The following CTNNA3 variants were observed in gnomAD, a reference collection of about 807,000 sequenced individuals.
CTNNA3 encodes catenin alpha 3, also known as catenin alpha-3.
A neutral mutation model predicts 95.7 loss-of-function variants in CTNNA3; 76 were observed. The observed-to-expected ratio is 0.79, with a 90% CI of 0.66 to 0.96. The LOEUF (loss-of-function observed/expected upper bound fraction) is 0.96. Ranked by LOEUF, CTNNA3 falls within the 40% of genes least tolerant of loss-of-function variation. CTNNA3 has a pLI of 0.00. For synonymous variants in CTNNA3, 431 were observed against 374.4 expected (o/e 1.15, Z -1.74); for missense variants, 1,191 against 1,089.8 (o/e 1.09, Z -1.31).
chr10:66,399,758 T>C (rs1224545074), intron 11 of CTNNA3, among the ~76,000 whole-genome samples: 1 of 152,040 alleles, frequency 6.6e-6, no homozygotes, highest in African/African-American at 2.4e-5. Context: ...CCAGTGATAC[T>C]GCTTTCTCTA....
upstream of CTNNA3, among the ~76,000 whole-genome samples, chr10:67,699,077 T>C (rs76105174): frequency 0.091 from 13,807 of 152,188 alleles, 732 homozygotes; most frequent in African/African-American, 0.15. Context: ...CTCTCTTGTG[T>C]GCTGGATCCC....
intron 3 of CTNNA3, among the ~76,000 whole-genome samples, chr10:67,584,974 C>T (rs1382877236): frequency 2.6e-5 from 4 of 152,214 alleles, no homozygotes; most frequent in Non-Finnish European, 5.9e-5. Flanking sequence ...TCACGGCTTT[C>T]CTTGGCTAAG....
Position 67,018,840 on chromosome 10 carries a change from C to T in CTNNA3, c.1047+161477G>A, listed in dbSNP as rs1202416251. 2.0e-5 allele frequency among the ~76,000 whole-genome samples: 3 copies of T among 152,096 alleles called. No individual in the cohort carries two copies. The East Asian group carries it at 5.8e-4, about 29-fold the overall frequency. ...TATAAATATTAGATATTATTACTAC[C>T]CAGGCATTCAGTGTATAAGAGACGC... On this transcript the variant is annotated intron_variant, in intron 7 of 17. Transcript: ENST00000433211.
At chr10:66,207,519 A>C (rs556059800) in intron 13 of CTNNA3, among the ~76,000 whole-genome samples, 1 of 152,010 alleles carries the variant, frequency 6.6e-6, no homozygotes. Context: ...AGCATTATCC[A>C]TGTCTTAGCC....
chr10:66,772,014 G>A lies in CTNNA3; in HGVS notation c.1128+3430C>T, dbSNP rs78224540. 2.2e-3 allele frequency among the ~76,000 whole-genome samples: 253 copies of A among 115,250 alleles called. 8 individuals carry two copies. In the East Asian group the frequency reaches 0.06, roughly 27 times the overall value. The allele number at this position is 115,250 out of a possible 152,430, so 75.6% of individuals were successfully genotyped here. A position where few individuals can be genotyped will look rare whatever the true frequency, so the allele number is the denominator to read the frequency against. On this transcript the variant is annotated intron_variant, in intron 8 of 17. Coordinates refer to ENST00000433211, the MANE Select transcript of CTNNA3 (RefSeq NM_013266.4). ...CTTATGAGTTGGGGTTGTGTGTAAG[G>A]AGAGTGAGTGGGGAAGGCATCAAGC... is the stretch of plus-strand genomic sequence containing the variant.
intron 9 of CTNNA3, among the ~76,000 whole-genome samples, chr10:66,665,041 G>A (rs1318280780): frequency 3.3e-5 from 5 of 152,112 alleles, no homozygotes; most frequent in Non-Finnish European, 7.4e-5. Context: ...CTGGGCCAAT[G>A]TAGTTACTCT....
At chr10:66,987,846 T>C (rs1850820538) in intron 7 of CTNNA3, among the ~76,000 whole-genome samples, 1 of 152,208 alleles carries the variant, frequency 6.6e-6, no homozygotes, top group African/African-American at 2.4e-5. Flanking sequence ...TCAGTGGCTT[T>C]ACAATTTAAG....
At chr10:66,991,559 T>G (rs185952926) in intron 7 of CTNNA3, among the ~76,000 whole-genome samples, 9 of 152,296 alleles carry the variant, frequency 5.9e-5, no homozygotes, top group Admixed American at 2.6e-4. Flanking sequence ...TATTTATTTA[T>G]TTAGTTTTTG....
rs1409615986 is a variant in CTNNA3 at position 67,062,854 on chromosome 10, AGACCT to A, written c.1047+117458_1047+117462del. ...CAACAACAGCTGGAAGGCAGGTGTC[AGACCT>A]GAAGTTTGTGTGGGCTTCTGAAAAT... On this transcript the variant is annotated intron_variant, in intron 7 of 17. Coordinates refer to ENST00000433211, the MANE Select transcript of CTNNA3 (RefSeq NM_013266.4). 2.6e-5 allele frequency among the ~76,000 whole-genome samples: 4 copies of A among 152,352 alleles called. No individual in the cohort carries two copies. The East Asian group carries it at 7.7e-4, about 29-fold the overall frequency.
At chr10:67,482,379 G>T (rs1257478342) in intron 5 of CTNNA3, among the ~76,000 whole-genome samples, 7 of 151,980 alleles carry the variant, frequency 4.6e-5, no homozygotes, top group African/African-American at 1.7e-4. Flanking sequence ...TCCTACCCAT[G>T]AGCATGGAAT....
intron 13 of CTNNA3, among the ~76,000 whole-genome samples, chr10:66,277,989 G>T (rs2091428263): frequency 6.6e-6 from 1 of 151,250 alleles, no homozygotes; most frequent in African/African-American, 2.4e-5. Context: ...ATAATTTAAT[G>T]TTTTATTAGT....
At chr10:67,546,631 A>G (rs930911288) in intron 3 of CTNNA3, among the ~76,000 whole-genome samples, 5 of 152,176 alleles carry the variant, frequency 3.3e-5, no homozygotes, top group African/African-American at 1.2e-4. Flanking sequence ...ATAAATGTTT[A>G]AACTTTGAGC....
intron 9 of CTNNA3, among the ~76,000 whole-genome samples, chr10:66,648,005 A>G (rs1222500926): frequency 6.6e-6 from 1 of 152,100 alleles, no homozygotes; most frequent in Admixed American, 6.5e-5. Flanking sequence ...CAAGCCCCCT[A>G]TAAAAATTTG....
chr10:66,874,339 A>G (rs866799708), intron 7 of CTNNA3, among the ~76,000 whole-genome samples: 19 of 152,320 alleles, frequency 1.2e-4, no homozygotes, highest in South Asian at 4.1e-4. Flanking sequence ...ACAATTCCCA[A>G]TTGAACCTCT....
chr10:65,933,080 T>A (rs1429588642), intron 17 of CTNNA3, among the ~76,000 whole-genome samples: 1 of 152,116 alleles, frequency 6.6e-6, no homozygotes, highest in Admixed American at 6.6e-5. Flanking sequence ...ATTCCCTGGG[T>A]TTTGTCTTCT....
In CTNNA3 at chr10:67,156,236, A is replaced by T. The variant is rs183125556; in HGVS notation, c.1047+24081T>A. On this transcript the variant is annotated intron_variant, in intron 7 of 17. Coordinates refer to ENST00000433211, the MANE Select transcript of CTNNA3 (RefSeq NM_013266.4). ...TATCTTTTCAAAAAAACCATCTCTT[A>T]GTTTCAATGATTTTTTTCTATTATT... Among the ~76,000 whole-genome samples the T allele has an allele frequency of 3.7e-3, 555 of 151,730 alleles. 4 individuals carry two copies. Among genetic ancestry groups the T allele is most frequent in the African/African-American group, 0.012 (513 of 41,450 alleles).
rs1247244387 is a variant in CTNNA3 at position 66,142,239 on chromosome 10, C to T, written c.1885-38990G>A. On this transcript the variant is annotated intron_variant, in intron 13 of 17. Transcript: ENST00000433211. ...TTTGTTACATGTAGATATCCAGTTG[C>T]TCCAAAACCATTTGTTGAAAAGACT... Among the ~76,000 whole-genome samples the T allele has an allele frequency of 2.6e-5, 4 of 152,270 alleles. No individual in the cohort carries two copies. In the East Asian group the frequency reaches 5.8e-4, roughly 22 times the overall value.
At chr10:67,654,014 CA>C (rs1314094980) in intron 1 of CTNNA3, among the ~76,000 whole-genome samples, 3 of 152,132 alleles carry the variant, frequency 2.0e-5, no homozygotes, top group East Asian at 3.9e-4. Context: ...AGCTGTTTGC[CA>C]ATGAGTGCAG....
intron 13 of CTNNA3, among the ~76,000 whole-genome samples, chr10:66,103,610 AG>A (rs1367014466): frequency 6.6e-6 from 1 of 152,210 alleles, no homozygotes; most frequent in Non-Finnish European, 1.5e-5. Flanking sequence ...TCCTAAGTGA[AG>A]GGAGCCAGCC....
Sources: gnomAD v4.1 joint callset for allele counts (sites outside exome capture counted in the v4.1 genomes callset) on GRCh38, gnomAD v4.1.1 for gene constraint, MANE v1.5 for transcripts, NCBI Gene and HGNC (gene_info 2026-07-23, HGNC 2026-07-21) for gene names.